Variants in SYT1 observed in about 807,000 individuals in gnomAD.
SYT1 encodes the protein synaptotagmin-1.
Under a neutral mutation model 44.8 loss-of-function variants are expected in SYT1, and 8 were observed. The ratio of observed to expected loss-of-function variants is 0.18; its 90% CI spans 0.10 to 0.32. The LOEUF (loss-of-function observed/expected upper bound fraction) is 0.32, where lower values mean the gene tolerates loss of function less well. Among genes scored for constraint, SYT1 ranks in the 10% least tolerant of loss-of-function variants. SYT1 has a pLI of 1.00. For missense variants in SYT1, 286 were observed against 509.3 expected (o/e 0.56, Z 4.22); for synonymous variants, 154 against 188.8 (o/e 0.82, Z 1.51).
intron 8 of SYT1, among the ~76,000 whole-genome samples, chr12:79,328,932 T>C (rs1881732266): frequency 6.6e-6 from 1 of 152,140 alleles, no homozygotes; most frequent in African/African-American, 2.4e-5. Flanking sequence ...AAAAATGCCC[T>C]GAAGAATAGC....
At chr12:78,955,258 A>G (rs970147195) in intron 1 of SYT1, among the ~76,000 whole-genome samples, 4 of 152,058 alleles carry the variant, frequency 2.6e-5, no homozygotes, top group African/African-American at 9.7e-5. Flanking sequence ...GAAGACAAGA[A>G]AAGCGTTGCT....
At chr12:79,024,530 C>A (rs1299849965) in intron 2 of SYT1, among the ~76,000 whole-genome samples, 1 of 151,724 alleles carries the variant, frequency 6.6e-6, no homozygotes, top group Non-Finnish European at 1.5e-5. Context: ...TGAATGTCTA[C>A]CTTGTAAAGA....
chr12:78,951,736 T>C (rs918089786), intron 1 of SYT1, among the ~76,000 whole-genome samples: 1 of 152,182 alleles, frequency 6.6e-6, no homozygotes, highest in Non-Finnish European at 1.5e-5. Context: ...CCAGTGAGCA[T>C]GTTAAAAGCC....
chr12:79,330,305 T>C (rs1335673366), intron 8 of SYT1, among the ~76,000 whole-genome samples: 1 of 152,210 alleles, frequency 6.6e-6, no homozygotes, highest in African/African-American at 2.4e-5. Context: ...ATGAAGAATC[T>C]GGCTGTGAAC....
chr12:79,332,993 T>C (rs533215812), intron 8 of SYT1, among the ~76,000 whole-genome samples: 1 of 152,312 alleles, frequency 6.6e-6, no homozygotes, highest in Non-Finnish European at 1.5e-5. Context: ...TAAATTGTGC[T>C]TTCTTCTTTA....
chr12:79,440,720 C>T (rs1322890142), intron 9 of SYT1, among the ~76,000 whole-genome samples: 1 of 151,958 alleles, frequency 6.6e-6, no homozygotes. Flanking sequence ...ACCCCTAAAA[C>T]AGAACAAATT....
At chr12:79,117,962 A>G (rs1179393240) in intron 3 of SYT1, among the ~76,000 whole-genome samples, 2 of 151,866 alleles carry the variant, frequency 1.3e-5, no homozygotes, top group African/African-American at 2.4e-5. Flanking sequence ...TAAAATAGCT[A>G]TGTTTACCAA....
chr12:79,352,305 AT>A (rs1012578789), intron 8 of SYT1, among the ~76,000 whole-genome samples: 1 of 152,096 alleles, frequency 6.6e-6, no homozygotes, highest in African/African-American at 2.4e-5. Context: ...CAAGTTATAG[AT>A]AAAGACACAT....
intron 3 of SYT1, among the ~76,000 whole-genome samples, chr12:79,154,970 T>C (rs1433948725): frequency 6.6e-6 from 1 of 152,164 alleles, no homozygotes; most frequent in African/African-American, 2.4e-5. Flanking sequence ...AACAGCCATA[T>C]GGCCATGGCA....
At chr12:79,262,442 G>T (rs1877882212) in intron 4 of SYT1, among the ~76,000 whole-genome samples, 1 of 113,568 alleles carries the variant, frequency 8.8e-6, no homozygotes, top group African/African-American at 3.8e-5. Flanking sequence ...CCAGAGCCAA[G>T]ATCACTTTTT....
chr12:79,086,266 G>T (rs544753073), intron 3 of SYT1, among the ~76,000 whole-genome samples: 7 of 152,070 alleles, frequency 4.6e-5, no homozygotes, highest in Non-Finnish European at 8.8e-5. Flanking sequence ...CTGTGTATAG[G>T]TATATGTGTG....
At chr12:78,952,907 A>T (rs987683998) in intron 1 of SYT1, among the ~76,000 whole-genome samples, 1 of 152,156 alleles carries the variant, frequency 6.6e-6, no homozygotes. Context: ...CTGACTATTA[A>T]AAACAAAGTA....
intron 8 of SYT1, among the ~76,000 whole-genome samples, chr12:79,329,185 T>A (rs567023357): frequency 6.6e-6 from 1 of 152,258 alleles, no homozygotes; most frequent in South Asian, 2.1e-4. Context: ...ACCCACTGGG[T>A]GAGGAGGCCG....
At position 79,067,199 on chromosome 12, in the gene SYT1, A is replaced by G. The variant is rs193110833; in HGVS notation, c.-18+19837A>G. Among the ~76,000 whole-genome samples, 279 of 152,326 alleles carry G rather than the reference A, an allele frequency of 1.8e-3. 1 individual carries two copies. Among genetic ancestry groups the G allele is most frequent in the African/African-American group, 6.4e-3 (267 of 41,588 alleles). ...GAAATGTCAAGAAGAGCCTAATGTT[A>G]TAGATTTTGGTGAAAGGTAGTTTTC... is the stretch of plus-strand genomic sequence containing the variant. On this transcript the variant is annotated intron_variant, in intron 3 of 10. Coordinates refer to ENST00000261205, the MANE Select transcript of SYT1 (RefSeq NM_005639.3).
intron 8 of SYT1, among the ~76,000 whole-genome samples, chr12:79,348,117 G>A (rs1882687292): frequency 6.6e-6 from 1 of 152,132 alleles, no homozygotes; most frequent in Non-Finnish European, 1.5e-5. Context: ...TTAGTGTAAG[G>A]AACAGATGTT....
At chr12:79,349,607 A>G (rs1882799343) in intron 8 of SYT1, among the ~76,000 whole-genome samples, 1 of 152,186 alleles carries the variant, frequency 6.6e-6, no homozygotes, top group Admixed American at 6.5e-5. Flanking sequence ...TCACAGGGCT[A>G]TTCTAGAAAA....
intron 3 of SYT1, among the ~76,000 whole-genome samples, chr12:79,172,232 A>AT (rs1343992156): frequency 6.6e-6 from 1 of 151,888 alleles, no homozygotes; most frequent in African/African-American, 2.4e-5. Context: ...CATATTTTAA[A>AT]TTTTTTTCCA....
At chr12:79,181,404 G>A (rs926143998) in intron 3 of SYT1, among the ~76,000 whole-genome samples, 2 of 152,010 alleles carry the variant, frequency 1.3e-5, no homozygotes, top group Non-Finnish European at 2.9e-5. Flanking sequence ...GTGAAGTACT[G>A]ACAATATAAA....
At chr12:79,207,228 T>G (rs1427629225) in intron 3 of SYT1, among the ~76,000 whole-genome samples, 1 of 152,084 alleles carries the variant, frequency 6.6e-6, no homozygotes, top group Non-Finnish European at 1.5e-5. Flanking sequence ...TTTAGAGCCA[T>G]GAGAACAATT....
Sources: allele counts gnomAD v4.1 joint callset (sites outside exome capture counted in the v4.1 genomes callset), GRCh38; gene constraint gnomAD v4.1.1; transcripts MANE v1.5; gene names NCBI Gene and HGNC (gene_info 2026-07-23, HGNC 2026-07-21).